The following RNF216 variants were observed in gnomAD, a reference collection of about 807,000 sequenced individuals.
RNF216 encodes the protein E3 ubiquitin-protein ligase RNF216.
A neutral mutation model predicts 110.8 loss-of-function variants in RNF216; 72 were observed. The ratio of observed to expected loss-of-function variants is 0.65; its 90% CI spans 0.54 to 0.79. The LOEUF (loss-of-function observed/expected upper bound fraction) is 0.79, where lower values mean the gene tolerates loss of function less well. Ranked by LOEUF, RNF216 falls within the 30% of genes least tolerant of loss-of-function variation. The probability of loss-of-function intolerance (pLI) is 0.00; values close to 1 mark genes in which losing one functional copy is unlikely to be tolerated. For synonymous variants in RNF216, 495 were observed against 407.5 expected (o/e 1.21, Z -2.59); for missense variants, 1,342 against 1,141.2 (o/e 1.18, Z -2.54).
intron 2 of RNF216, among the ~76,000 whole-genome samples, chr7:5,757,687 T>A (rs928328670): frequency 6.6e-6 from 1 of 151,644 alleles, no homozygotes; most frequent in South Asian, 2.1e-4. Context: ...AATGACAGAG[T>A]CAAAAAAAGC....
intron 15 of RNF216, among the ~76,000 whole-genome samples, chr7:5,625,688 C>G (rs1278203121): frequency 6.6e-6 from 1 of 152,234 alleles, no homozygotes; most frequent in Non-Finnish European, 1.5e-5. Context: ...CTACTCTGTG[C>G]TAGACACTGT....
chr7:5,751,076 C>T (rs933269430), intron 3 of RNF216, among the ~76,000 whole-genome samples: 2 of 152,202 alleles, frequency 1.3e-5, no homozygotes, highest in African/African-American at 4.8e-5. Context: ...TATTACCCTC[C>T]TTAGAGTCCT....
At chr7:5,751,907 G>C (rs1389062673) in intron 3 of RNF216, among the ~76,000 whole-genome samples, 2 of 150,000 alleles carry the variant, frequency 1.3e-5, no homozygotes, top group African/African-American at 4.9e-5. Flanking sequence ...CAATGAAAGG[G>C]CCAGGCATAG....
chr7:5,660,102 G>A (rs1227664357), intron 13 of RNF216, among the ~76,000 whole-genome samples: 1 of 150,824 alleles, frequency 6.6e-6, no homozygotes, highest in Non-Finnish European at 1.5e-5. Context: ...CTATGAACAC[G>A]TGCCACCACA....
chr7:5,721,463 T>G (rs1314304991), intron 8 of RNF216, among the ~76,000 whole-genome samples: 1 of 152,234 alleles, frequency 6.6e-6, no homozygotes, highest in Non-Finnish European at 1.5e-5. Context: ...TATTATCTAT[T>G]TCACTACTGA....
intron 1 of RNF216, among the ~76,000 whole-genome samples, chr7:5,774,481 A>C (rs1796667899): frequency 6.6e-6 from 1 of 152,226 alleles, no homozygotes; most frequent in Non-Finnish European, 1.5e-5. Flanking sequence ...CTTTTTAAAA[A>C]CTAAATCAGT....
At chr7:5,668,381 G>A (rs1287318870) in intron 13 of RNF216, among the ~76,000 whole-genome samples, 2 of 152,036 alleles carry the variant, frequency 1.3e-5, no homozygotes, top group South Asian at 2.1e-4. Context: ...CCACCACCAC[G>A]CCCGGCTAAT....
At chr7:5,669,177 G>T (rs1014779717) in intron 13 of RNF216, among the ~76,000 whole-genome samples, 1 of 152,190 alleles carries the variant, frequency 6.6e-6, no homozygotes, top group Non-Finnish European at 1.5e-5. Flanking sequence ...GAATATGGGC[G>T]GTCGGGCTCC....
chr7:5,707,549 A>G (rs376802207), intron 13 of RNF216, among the ~76,000 whole-genome samples: 5 of 152,126 alleles, frequency 3.3e-5, no homozygotes, highest in East Asian at 3.9e-4. Flanking sequence ...TTTTCTATGT[A>G]TAAGATCATG....
chr7:5,755,085 G>A (rs1795552161), intron 2 of RNF216, among the ~76,000 whole-genome samples: 1 of 149,142 alleles, frequency 6.7e-6, no homozygotes, highest in Non-Finnish European at 1.5e-5. Flanking sequence ...GGAAAGGAAG[G>A]AAAGGAGAAG....
At chr7:5,625,337 C>T (rs1786642944) in intron 15 of RNF216, among the ~76,000 whole-genome samples, 1 of 152,222 alleles carries the variant, frequency 6.6e-6, no homozygotes, top group Non-Finnish European at 1.5e-5. Context: ...ACAATGCAAG[C>T]AGTCTAATGA....
intron 13 of RNF216, among the ~76,000 whole-genome samples, chr7:5,701,954 C>A (rs1322521884): frequency 6.6e-6 from 1 of 152,184 alleles, no homozygotes; most frequent in Non-Finnish European, 1.5e-5. Context: ...GAAACACTAA[C>A]CCAGGAAGGC....
chr7:5,694,963 C>T (rs1791537535), intron 13 of RNF216, among the ~76,000 whole-genome samples: 2 of 152,210 alleles, frequency 1.3e-5, no homozygotes, highest in Admixed American at 1.3e-4. Context: ...ACATACAAAT[C>T]CACCAACTAA....
At chr7:5,661,955 C>A (rs1183429915) in intron 13 of RNF216, among the ~76,000 whole-genome samples, 1 of 152,240 alleles carries the variant, frequency 6.6e-6, no homozygotes, top group African/African-American at 2.4e-5. Context: ...ATGGCGTTTG[C>A]TAGCGAAAGC....
At chr7:5,761,188 C>T (rs1795915067) in intron 1 of RNF216, 50 bp from the exon 2 acceptor site, 1 of 592,162 alleles carries the variant, frequency 1.7e-6, no homozygotes. Flanking sequence ...TATCAAAACT[C>T]TTGCCATGTA....
chr7:5,728,468 G>T (rs992533224), intron 7 of RNF216, among the ~76,000 whole-genome samples: 1 of 152,010 alleles, frequency 6.6e-6, no homozygotes, highest in African/African-American at 2.4e-5. Context: ...CAGCTACTCA[G>T]GAGGCTGAGA....
At chr7:5,661,592 C>A (rs1220505241) in intron 13 of RNF216, among the ~76,000 whole-genome samples, 2 of 152,104 alleles carry the variant, frequency 1.3e-5, no homozygotes, top group African/African-American at 4.8e-5. Context: ...CACTTAAGGT[C>A]AGGAGTTTGA....
chr7:5,695,711 G>A (rs753980343), intron 13 of RNF216, among the ~76,000 whole-genome samples: 1 of 152,178 alleles, frequency 6.6e-6, no homozygotes, highest in African/African-American at 2.4e-5. Context: ...AGTCATCCTC[G>A]GATGGATGGT....
intron 8 of RNF216, among the ~76,000 whole-genome samples, chr7:5,724,200 C>A (rs538455471): frequency 3.9e-5 from 6 of 152,220 alleles, no homozygotes; most frequent in Non-Finnish European, 8.8e-5. Flanking sequence ...GAGACCCTGA[C>A]AAGCTAGAGA....
Sources: gnomAD v4.1 joint callset for allele counts (sites outside exome capture counted in the v4.1 genomes callset) on GRCh38, gnomAD v4.1.1 for gene constraint, MANE v1.5 for transcripts, NCBI Gene and HGNC (gene_info 2026-07-23, HGNC 2026-07-21) for gene names.